The following KCNH1 variants were observed in gnomAD, a reference collection of about 807,000 sequenced individuals.
KCNH1 encodes potassium voltage-gated channel subfamily H member 1.
Under a neutral mutation model 69.2 loss-of-function variants are expected in KCNH1, and 27 were observed. The observed-to-expected ratio is 0.39, with a 90% CI of 0.29 to 0.54. The LOEUF (loss-of-function observed/expected upper bound fraction) is 0.54. KCNH1 is among the 20% of genes least tolerant of loss of function. The pLI, the probability that KCNH1 is intolerant of heterozygous loss-of-function variation, is 0.68. For missense variants in KCNH1, 798 were observed against 1,261.6 expected (o/e 0.63, Z 5.57); for synonymous variants, 456 against 487.7 (o/e 0.93, Z 0.86).
chr1:210,720,536 C>T (rs1023162084), intron 10 of KCNH1, among the ~76,000 whole-genome samples: 27 of 152,132 alleles, frequency 1.8e-4, no homozygotes, highest in African/African-American at 6.0e-4. Flanking sequence ...GGAATCTGTG[C>T]TGAAGACAAA....
chr1:210,724,786 C>T (rs896193670), intron 10 of KCNH1, among the ~76,000 whole-genome samples: 1 of 152,246 alleles, frequency 6.6e-6, no homozygotes, highest in East Asian at 1.9e-4. Flanking sequence ...CCAATGTCAC[C>T]CTCATACCTC....
At chr1:211,076,287 G>A (rs368836568) in intron 5 of KCNH1, among the ~76,000 whole-genome samples, 2 of 152,348 alleles carry the variant, frequency 1.3e-5, no homozygotes, top group Middle Eastern at 3.4e-3. Context: ...TCCTCAAGTG[G>A]GTCCTTGATC....
chr1:210,983,973 G>C (rs1447803284), intron 6 of KCNH1, among the ~76,000 whole-genome samples: 1 of 152,142 alleles, frequency 6.6e-6, no homozygotes, highest in Non-Finnish European at 1.5e-5. Context: ...AATTGTCCTT[G>C]AAGGGGTCCT....
intron 7 of KCNH1, among the ~76,000 whole-genome samples, chr1:210,841,970 C>T (rs79738721): frequency 0.01 from 1,544 of 152,188 alleles, 31 homozygotes; most frequent in African/African-American, 0.035. Context: ...GGTTTTTAAG[C>T]GGCTATAACA....
chr1:210,732,406 C>T (rs1682767869), intron 10 of KCNH1, among the ~76,000 whole-genome samples: 1 of 152,110 alleles, frequency 6.6e-6, no homozygotes, highest in Non-Finnish European at 1.5e-5. Flanking sequence ...GTTCTTCTAA[C>T]CACTGGAGTC....
At chr1:211,023,210 T>C (rs1022319623) in intron 5 of KCNH1, among the ~76,000 whole-genome samples, 2 of 151,532 alleles carry the variant, frequency 1.3e-5, no homozygotes, top group African/African-American at 4.8e-5. Flanking sequence ...ATTACATACT[T>C]TTGTTGGGGA....
rs1691451621 is a variant in KCNH1, at chr1:211,111,081, ATTAAT to A, written c.80-3709_80-3705del. ...AAAAATAACTATGTACTTAATTTTA[ATTAAT>A]TTAATCATAAAAGATTAATTTATTG... On this transcript the variant is annotated intron_variant, in intron 1 of 10. Transcript: ENST00000271751. Among the ~76,000 whole-genome samples the A allele has an allele frequency of 2.0e-5, 3 of 152,290 alleles. No individual in the cohort carries two copies. In the South Asian group the frequency reaches 6.2e-4, roughly 32 times the overall value.
chr1:211,086,702 A>G (rs530910364), intron 4 of KCNH1, among the ~76,000 whole-genome samples: 2 of 152,270 alleles, frequency 1.3e-5, no homozygotes, highest in South Asian at 2.1e-4. Context: ...TGAGCCACCA[A>G]TGAGCCTGAA....
At chr1:211,010,271 C>T (rs1049278699) in intron 6 of KCNH1, among the ~76,000 whole-genome samples, 7 of 152,100 alleles carry the variant, frequency 4.6e-5, no homozygotes, top group East Asian at 1.9e-4. Flanking sequence ...AGCCCAATCA[C>T]AGTAGGTTCA....
intron 7 of KCNH1, among the ~76,000 whole-genome samples, chr1:210,892,681 A>T (rs1391510800): frequency 6.6e-6 from 1 of 152,218 alleles, no homozygotes; most frequent in Non-Finnish European, 1.5e-5. Context: ...ACCCCAAAAA[A>T]CTAAAGTTTG....
At chr1:210,796,481 T>C (rs1263148344) in intron 9 of KCNH1, among the ~76,000 whole-genome samples, 1 of 152,168 alleles carries the variant, frequency 6.6e-6, no homozygotes, top group Non-Finnish European at 1.5e-5. Context: ...AGCTGTTGTC[T>C]AGCTAGCTGA....
At chr1:210,892,068 CA>C (rs1292444095) in intron 7 of KCNH1, among the ~76,000 whole-genome samples, 1 of 151,954 alleles carries the variant, frequency 6.6e-6, no homozygotes, top group Non-Finnish European at 1.5e-5. Context: ...GTCAGGCGGT[CA>C]GGGGGCTAAG....
At chr1:211,099,572 G>A (rs1049829304) in intron 3 of KCNH1, among the ~76,000 whole-genome samples, 8 of 152,146 alleles carry the variant, frequency 5.3e-5, no homozygotes, top group South Asian at 4.1e-4. Flanking sequence ...CCCCATTTCC[G>A]TTCCCAGTGG....
chr1:210,715,369 A>G (rs1682201757), intron 10 of KCNH1, among the ~76,000 whole-genome samples: 1 of 152,144 alleles, frequency 6.6e-6, no homozygotes, highest in African/African-American at 2.4e-5. Context: ...ATAACACACA[A>G]TATAAATCTT....
At chr1:210,744,927 G>T (rs1379492721) in intron 10 of KCNH1, among the ~76,000 whole-genome samples, 1 of 152,042 alleles carries the variant, frequency 6.6e-6, no homozygotes, top group Non-Finnish European at 1.5e-5. Flanking sequence ...TGTTGGCCAG[G>T]CATGGTGGCT....
chr1:211,070,278 C>A (rs180681225), intron 5 of KCNH1, among the ~76,000 whole-genome samples: 2 of 151,310 alleles, frequency 1.3e-5, no homozygotes, highest in East Asian at 4.0e-4. Context: ...ATAAGCCGGG[C>A]GTAGTGGTGA....
At chr1:210,760,276 TA>T (rs960772575) in intron 10 of KCNH1, among the ~76,000 whole-genome samples, 15 of 152,208 alleles carry the variant, frequency 9.9e-5, no homozygotes, top group African/African-American at 3.6e-4. Context: ...ATATTACCTA[TA>T]AAGGGTAATA....
chr1:210,849,129 T>G (rs961398069), intron 7 of KCNH1, among the ~76,000 whole-genome samples: 3 of 152,248 alleles, frequency 2.0e-5, no homozygotes, highest in Non-Finnish European at 2.9e-5. Flanking sequence ...CATGTGTATG[T>G]GTATTATGTG....
At chr1:211,054,009 C>T (rs1170494996) in intron 5 of KCNH1, among the ~76,000 whole-genome samples, 13 of 152,110 alleles carry the variant, frequency 8.5e-5, no homozygotes, top group Admixed American at 8.5e-4. Flanking sequence ...GTGGCTCACA[C>T]CTGTAATCCC....
Sources: allele counts gnomAD v4.1 joint callset (sites outside exome capture counted in the v4.1 genomes callset), GRCh38; gene constraint gnomAD v4.1.1; transcripts MANE v1.5; gene names NCBI Gene and HGNC (gene_info 2026-07-23, HGNC 2026-07-21).